Variants in SEPTIN9 observed in about 807,000 individuals in gnomAD.
SEPTIN9 encodes septin-9.
In SEPTIN9, 13 loss-of-function variants were observed where a neutral mutation model predicts 56.6. That is an observed-to-expected ratio of 0.23 (90% confidence interval 0.15 to 0.37). The LOEUF (loss-of-function observed/expected upper bound fraction) is 0.37. Ranked by LOEUF, SEPTIN9 falls within the 10% of genes least tolerant of loss-of-function variation. The pLI is 1.00. For missense variants in SEPTIN9, 650 were observed against 823.1 expected (o/e 0.79, Z 2.57); for synonymous variants, 332 against 334.1 (o/e 0.99, Z 0.07).
intron 3 of SEPTIN9, among the ~76,000 whole-genome samples, chr17:77,442,854 C>T (rs140185970): frequency 1.3e-5 from 2 of 150,850 alleles, no homozygotes; most frequent in African/African-American, 4.9e-5. Context: ...GTCTGGGCAA[C>T]AGAGTGAGAC....
chr17:77,309,389 G>T lies in SEPTIN9; in HGVS notation c.76+2192G>T, dbSNP rs538938801. The stretch of plus-strand genomic sequence containing the variant: ...GTCCTCCCTCTGTGGGCCTCTGTGG[G>T]CTCTGGCCCGAGACACCCTTTCCTC... On this transcript the variant is annotated intron_variant, in intron 2 of 11. Transcript: ENST00000427177. 3.5e-4 allele frequency among the ~76,000 whole-genome samples: 54 copies of T among 152,384 alleles called. No homozygotes were observed. In the South Asian group the frequency reaches 4.8e-3, roughly 13 times the overall value.
intron 3 of SEPTIN9, among the ~76,000 whole-genome samples, chr17:77,480,653 TGGCTCCCACGCC>T (rs772914892): frequency 1.3e-5 from 2 of 152,170 alleles, no homozygotes; most frequent in Non-Finnish European, 2.9e-5. Context: ...GCTGTGGCCC[TGGCTCCCACGCC>T]GGCTCCACTC....
intron 3 of SEPTIN9, chr17:77,446,486 G>A (rs1027110349): frequency 6.5e-6 from 1 of 153,002 alleles, no homozygotes; most frequent in African/African-American, 2.4e-5. Flanking sequence ...GAGTAGCTGG[G>A]ATTACAGGCA....
chr17:77,430,203 C>G (rs372250496), intron 3 of SEPTIN9, among the ~76,000 whole-genome samples: 8 of 152,166 alleles, frequency 5.3e-5, no homozygotes, highest in South Asian at 2.1e-4. Context: ...ACCCTCCCCC[C>G]GCCAGCTCCA....
rs1166778761 is a variant in SEPTIN9 at position 77,435,135 on chromosome 17, G to T, written c.721+32432G>T. 2.0e-5 allele frequency among the ~76,000 whole-genome samples: 3 copies of T among 152,138 alleles called. No individual in the cohort carries two copies. The highest frequency in any genetic ancestry group is 7.2e-5 in the African/African-American group (3 of 41,434). Reference sequence around the variant, plus strand: ...TTGTTATTCCCATTTCACCGATGAGGAACCCACAGCCCAGAGATGTTAAGT... The same window carrying T: ...TTGTTATTCCCATTTCACCGATGAGTAACCCACAGCCCAGAGATGTTAAGT... On this transcript the variant is annotated intron_variant, in intron 3 of 11. Coordinates refer to ENST00000427177, the MANE Select transcript of SEPTIN9 (RefSeq NM_001113491.2). The surrounding 1 kb of genome is among the most constrained non-coding windows in gnomAD (Gnocchi z 4.5).
intron 3 of SEPTIN9, among the ~76,000 whole-genome samples, chr17:77,466,835 G>C (rs929493593): frequency 6.6e-6 from 1 of 152,204 alleles, no homozygotes; most frequent in Non-Finnish European, 1.5e-5. Context: ...AGATGCGATC[G>C]AGTAAATGTG....
chr17:77,493,555 A>G (rs1305108296), intron 10 of SEPTIN9, among the ~76,000 whole-genome samples: 1 of 151,982 alleles, frequency 6.6e-6, no homozygotes, highest in Non-Finnish European at 1.5e-5. Flanking sequence ...TTAAAACAAC[A>G]CAAACGTATT....
rs527743694 is a variant in SEPTIN9 at position 77,425,210 on chromosome 17, G to A, written c.721+22507G>A. On this transcript the variant is annotated intron_variant, in intron 3 of 11. Coordinates refer to ENST00000427177, the MANE Select transcript of SEPTIN9 (RefSeq NM_001113491.2). This position sits in a 1 kb window ranked among gnomAD's most constrained non-coding sequence, Gnocchi z 4.2. ...TGGGCCCAGCTGTGGGAGGTCGTGC[G>A]GGCTGGGGACTGAGAGTGCCGGAGG... Among the ~76,000 whole-genome samples the A allele has an allele frequency of 3.3e-5, 5 of 152,254 alleles. No homozygotes were observed. The highest frequency in any genetic ancestry group is 1.9e-4 in the East Asian group (1 of 5,164).
chr17:77,373,418 G>A, intron 2 of SEPTIN9: 1 of 1,308,616 alleles, frequency 7.6e-7, no homozygotes, highest in Non-Finnish European at 9.7e-7. Context: ...CGGCGCCCCA[G>A]CCAGCGCGCA....
chr17:77,346,857 T>C (rs1323854201), intron 2 of SEPTIN9, among the ~76,000 whole-genome samples: 1 of 152,086 alleles, frequency 6.6e-6, no homozygotes, highest in Non-Finnish European at 1.5e-5. Flanking sequence ...AAGTATTGGC[T>C]CATGAGGGCA....
chr17:77,390,516 ATC>A (rs1491446071), intron 2 of SEPTIN9, among the ~76,000 whole-genome samples: 1 of 128,978 alleles, frequency 7.8e-6, no homozygotes, highest in Non-Finnish European at 1.6e-5. Flanking sequence ...CAGTGGCGCG[ATC>A]TCGGCTCGCT....
intron 10 of SEPTIN9, chr17:77,496,262 CG>C (rs1471596467): frequency 2.0e-5 from 3 of 152,092 alleles, no homozygotes; most frequent in Admixed American, 1.3e-4. Flanking sequence ...CTCCTGACCT[CG>C]TGATCCACCC....
At position 77,319,877 on chromosome 17, in the gene SEPTIN9, G is replaced by C; in HGVS notation, c.76+12680G>C. ...AAAAAGGAGCAGCAAGCCTCGGGGC[G>C]GCGGGGGCTGGAGGAGGTGGAGAGA... On this transcript the variant is annotated intron_variant, in intron 2 of 11. Coordinates refer to ENST00000427177, the MANE Select transcript of SEPTIN9 (RefSeq NM_001113491.2). The surrounding 1 kb of genome is among the most constrained non-coding windows in gnomAD (Gnocchi z 5.3). The C allele has an allele frequency of 9.1e-7, 1 of 1,094,670 alleles. No individual in the cohort carries two copies. The highest frequency in any genetic ancestry group is 1.1e-6 in the Non-Finnish European group (1 of 897,446). 67.8% of individuals were successfully genotyped at this position (1,094,670 alleles called of 1,614,324 possible). A position where few individuals can be genotyped will look rare whatever the true frequency, so the allele number is the denominator to read the frequency against.
chr17:77,486,826 C>A (rs76950729), intron 4 of SEPTIN9, among the ~76,000 whole-genome samples: 3,598 of 152,290 alleles, frequency 0.024, 140 homozygotes, highest in African/African-American at 0.082. Context: ...CACATGGCCC[C>A]ACAGACCCCA....
intron 1 of SEPTIN9, among the ~76,000 whole-genome samples, chr17:77,303,293 G>T (rs1233447586): frequency 6.6e-6 from 1 of 151,410 alleles, no homozygotes; most frequent in East Asian, 2.0e-4. Context: ...TAGAGATGGG[G>T]TTTCCCTATG....
intron 11 of SEPTIN9, 148 bp from the exon 12 acceptor site, chr17:77,498,375 A>T (rs1474509763): frequency 3.3e-6 from 2 of 612,962 alleles, no homozygotes; most frequent in African/African-American, 4.3e-5. Flanking sequence ...GGCCTGGGGG[A>T]CCCCATGGGG....
chr17:77,498,180 G>A (rs1398866813), intron 11 of SEPTIN9, among the ~76,000 whole-genome samples: 1 of 151,972 alleles, frequency 6.6e-6, no homozygotes, highest in Non-Finnish European at 1.5e-5. Flanking sequence ...CCGGCCTGGA[G>A]CAACAATGCT....
intron 1 of SEPTIN9, among the ~76,000 whole-genome samples, chr17:77,287,028 C>T (rs1027511804): frequency 2.0e-5 from 3 of 152,216 alleles, no homozygotes; most frequent in South Asian, 2.1e-4. Context: ...GTGAAGCCCT[C>T]GGGGCTTGTA....
intron 3 of SEPTIN9, among the ~76,000 whole-genome samples, chr17:77,419,281 G>A (rs1173730332): frequency 2.0e-5 from 3 of 152,182 alleles, no homozygotes; most frequent in African/African-American, 4.8e-5. Flanking sequence ...TCCTGGGCAC[G>A]AGTTGGGAGC....
Sources: allele counts gnomAD v4.1 joint callset (sites outside exome capture counted in the v4.1 genomes callset), GRCh38; gene constraint gnomAD v4.1.1; non-coding constraint Gnocchi (gnomAD v3.1); transcripts MANE v1.5; gene names NCBI Gene and HGNC (gene_info 2026-07-23, HGNC 2026-07-21).